Variants in NOX4 observed in about 807,000 individuals in gnomAD.
NOX4 encodes the protein kidney oxidase-1.
NOX4 carries 69 observed loss-of-function variants against 87.6 expected under a neutral mutation model. The observed-to-expected ratio is 0.79, with a 90% CI of 0.65 to 0.96. The LOEUF (loss-of-function observed/expected upper bound fraction) is 0.96, where lower values mean the gene tolerates loss of function less well. NOX4 is among the 40% of genes least tolerant of loss of function. The pLI, the probability that NOX4 is intolerant of heterozygous loss-of-function variation, is 0.00. For synonymous variants in NOX4, 275 were observed against 238.2 expected (o/e 1.15, Z -1.42); for missense variants, 680 against 681.5 (o/e 1.00, Z 0.02).
the NOX4 span, among the ~76,000 whole-genome samples, chr11:89,525,389 T>C: frequency 6.6e-6 from 1 of 152,022 alleles, no homozygotes. Flanking sequence ...TTTGGTATTA[T>C]TATTTTTTTA....
chr11:89,383,439 C>T (rs776496124), intron 11 of NOX4, among the ~76,000 whole-genome samples: 1 of 152,186 alleles, frequency 6.6e-6, no homozygotes, highest in Non-Finnish European at 1.5e-5. Context: ...CAGGTCTTCT[C>T]GGCTTAGTGA....
intron 2 of NOX4, among the ~76,000 whole-genome samples, chr11:89,468,758 A>G (rs979829060): frequency 7.2e-5 from 11 of 151,898 alleles, no homozygotes; most frequent in Admixed American, 1.3e-4. Context: ...TTATTTGTTT[A>G]TTTTTAGAGA....
At chr11:89,463,458 T>G (rs1405999324) in intron 2 of NOX4, among the ~76,000 whole-genome samples, 1 of 152,010 alleles carries the variant, frequency 6.6e-6, no homozygotes, top group Non-Finnish European at 1.5e-5. Context: ...CTGTATATTT[T>G]TCCTGAAGTA....
At chr11:89,422,322 T>A (rs1943125077) in intron 7 of NOX4, among the ~76,000 whole-genome samples, 1 of 152,178 alleles carries the variant, frequency 6.6e-6, no homozygotes, top group Non-Finnish European at 1.5e-5. Context: ...TTTATCAATA[T>A]TCTCAGTTTT....
upstream of NOX4, among the ~76,000 whole-genome samples, chr11:89,501,061 G>C (rs1433642342): frequency 6.6e-6 from 1 of 152,024 alleles, no homozygotes; most frequent in African/African-American, 2.4e-5. Context: ...TTATTACCAA[G>C]CTGTAGCCCT....
intron 4 of NOX4, among the ~76,000 whole-genome samples, 173 bp downstream of exon 4, chr11:89,449,267 A>T (rs544808770): frequency 5.3e-5 from 8 of 152,192 alleles, no homozygotes; most frequent in Non-Finnish European, 1.0e-4. Context: ...TTCACCATTA[A>T]TGACATTATA....
intron 17 of NOX4, among the ~76,000 whole-genome samples, chr11:89,334,055 C>A (rs1370996539): frequency 6.6e-6 from 1 of 151,714 alleles, no homozygotes; most frequent in Non-Finnish European, 1.5e-5. Context: ...CAGCCTCAAT[C>A]TATTTCCCTG....
chr11:89,466,100 C>A (rs1945681115), intron 2 of NOX4, among the ~76,000 whole-genome samples: 1 of 152,054 alleles, frequency 6.6e-6, no homozygotes, highest in African/African-American at 2.4e-5. Flanking sequence ...CTCATCAAAC[C>A]CTAAATCTAT....
chr11:89,328,470 T>C (rs1017268468), intron 17 of NOX4, among the ~76,000 whole-genome samples: 2 of 152,152 alleles, frequency 1.3e-5, no homozygotes, highest in Non-Finnish European at 2.9e-5. Context: ...TAACAAATCT[T>C]AAAAGTGAGA....
At chr11:89,382,773 T>C (rs1940393685) in intron 11 of NOX4, among the ~76,000 whole-genome samples, 1 of 152,074 alleles carries the variant, frequency 6.6e-6, no homozygotes, top group Non-Finnish European at 1.5e-5. Flanking sequence ...GTTCTGTGAC[T>C]AGCCCTCCCC....
At chr11:89,352,340 T>G (rs1231637862) in intron 13 of NOX4, among the ~76,000 whole-genome samples, 1 of 152,152 alleles carries the variant, frequency 6.6e-6, no homozygotes, top group South Asian at 2.1e-4. Flanking sequence ...TACAAGGAGA[T>G]GAATGTTGTT....
intron 7 of NOX4, among the ~76,000 whole-genome samples, chr11:89,423,164 A>G (rs1487695457): frequency 6.6e-6 from 1 of 152,096 alleles, no homozygotes; most frequent in Non-Finnish European, 1.5e-5. Context: ...ACACCTTTTT[A>G]ATGCTTTTAA....
chr11:89,444,466 A>AACACACACACACACACACACACACAC (rs59319897), intron 4 of NOX4, among the ~76,000 whole-genome samples: 1 of 147,134 alleles, frequency 6.8e-6, no homozygotes, highest in African/African-American at 2.5e-5. Flanking sequence ...GGATAAGAGA[A>AACACACACACACACACACACACACAC]ACACACACAC....
At chr11:89,425,225 C>A (rs1444306641) in intron 7 of NOX4, among the ~76,000 whole-genome samples, 1 of 151,638 alleles carries the variant, frequency 6.6e-6, no homozygotes, top group Non-Finnish European at 1.5e-5. Context: ...AAATTGGCAC[C>A]CTCATGTACT....
rs55794332 is a variant in NOX4, at chr11:89,342,276, T to A, written c.1218-83A>T. ...TGTACCATATAGCAAACATGCTGAA[T>A]GCAATCTCTAGATTTTGTGATGGGT... On this transcript the variant is annotated intron_variant, in intron 13 of 17. Transcript: ENST00000263317. 2.7e-3 allele frequency: 3,403 copies of A among 1,267,252 alleles called. 74 individuals are homozygous for A. In the African/African-American group the frequency reaches 0.046, roughly 17 times the overall value. The allele number at this position is 1,267,252 out of a possible 1,614,324, so 78.5% of individuals were successfully genotyped here.
chr11:89,388,422 TG>T (rs1465221561), intron 11 of NOX4, among the ~76,000 whole-genome samples: 1 of 152,140 alleles, frequency 6.6e-6, no homozygotes, highest in Non-Finnish European at 1.5e-5. Context: ...ACTGGTCAGT[TG>T]GGGGTTACAA....
At position 89,465,760 on chromosome 11, in the gene NOX4, T is replaced by C. The variant is rs1306617029; in HGVS notation, c.154-13865A>G. The stretch of plus-strand genomic sequence containing the variant: ...GATGAGCATTTTTTCATGTGTCTGT[T>C]GGCTGCATAAATGTCTTCTTTTAAG... On this transcript the variant is annotated intron_variant, in intron 2 of 17. Coordinates refer to ENST00000263317, the MANE Select transcript of NOX4 (RefSeq NM_016931.5). Among the ~76,000 whole-genome samples the C allele has an allele frequency of 2.0e-5, 3 of 152,288 alleles. No homozygotes were observed. The East Asian group carries it at 5.8e-4, about 29-fold the overall frequency.
the NOX4 span, among the ~76,000 whole-genome samples, chr11:89,548,951 G>A: frequency 6.6e-6 from 1 of 151,928 alleles, no homozygotes; most frequent in Non-Finnish European, 1.5e-5. Flanking sequence ...TATCAAACAG[G>A]GAAAAAAGTC....
chr11:89,383,462 G>A (rs532335353), intron 11 of NOX4, among the ~76,000 whole-genome samples: 2 of 152,286 alleles, frequency 1.3e-5, no homozygotes, highest in East Asian at 1.9e-4. Context: ...GAAGACTAAT[G>A]CTGCCCGATC....
Sources: allele counts gnomAD v4.1 joint callset (sites outside exome capture counted in the v4.1 genomes callset), GRCh38; gene constraint gnomAD v4.1.1; transcripts MANE v1.5; gene names NCBI Gene and HGNC (gene_info 2026-07-23, HGNC 2026-07-21).